The following TNFSF11 variants were observed in gnomAD, a reference collection of about 807,000 sequenced individuals.
TNFSF11 encodes the protein TNF superfamily member 11.
In TNFSF11, 12 loss-of-function variants were observed where a neutral mutation model predicts 32.2. That is an observed-to-expected ratio of 0.37 (90% CI 0.24 to 0.60). The LOEUF is 0.60. Ranked by LOEUF, TNFSF11 falls within the 20% of genes least tolerant of loss-of-function variation. The pLI is 0.66. For synonymous variants in TNFSF11, 172 were observed against 152.1 expected (o/e 1.13, Z -0.96); for missense variants, 345 against 398.0 (o/e 0.87, Z 1.13).
intron 2 of TNFSF11, 80 bp downstream of exon 2, chr13:42,581,373 G>A: frequency 2.1e-6 from 3 of 1,452,854 alleles, no homozygotes; most frequent in Non-Finnish European, 2.9e-6. Flanking sequence ...GCTAAGTGCT[G>A]TTGACTCTGC....
In TNFSF11 at chr13:42,581,300, C is replaced by A; in HGVS notation, c.387+7C>A. The A allele has an allele frequency of 6.2e-7, 1 of 1,613,886 alleles. No homozygotes were observed. The highest frequency in any genetic ancestry group is 1.1e-5 in the South Asian group (1 of 91,030). ...TCAAGGAGCTGTGCAAAAGGTAAGT[C>A]CACATCGAGGCTGATAAGTCAAGGG... On this transcript the variant is annotated splice_region_variant and intron_variant, in intron 2 of 4. Coordinates refer to ENST00000398795, the MANE Select transcript of TNFSF11 (RefSeq NM_003701.4).
intron 1 of TNFSF11, among the ~76,000 whole-genome samples, 195 bp from the exon 2 acceptor site, chr13:42,580,931 G>A (rs1873573195): frequency 6.6e-6 from 1 of 152,188 alleles, no homozygotes; most frequent in African/African-American, 2.4e-5. Context: ...TCCTGTGGAT[G>A]ATAGTCAGTT....
intron 4 of TNFSF11, among the ~76,000 whole-genome samples, chr13:42,605,434 T>C (rs1183831121): frequency 6.6e-6 from 1 of 152,242 alleles, no homozygotes; most frequent in African/African-American, 2.4e-5. Flanking sequence ...AGTTACCAGC[T>C]TTTCCAGTTG....
intron 1 of TNFSF11, among the ~76,000 whole-genome samples, chr13:42,575,121 G>A (rs553364254): frequency 7.2e-5 from 11 of 152,298 alleles, no homozygotes; most frequent in Middle Eastern, 3.4e-3. Context: ...GCGCGGGCTC[G>A]GGATGGGGGC....
At position 42,574,257 on chromosome 13, in the gene TNFSF11, G is replaced by A; in HGVS notation, c.-47G>A. 1 of 1,541,028 alleles carries A rather than the reference G, an allele frequency of 6.5e-7. No homozygotes were observed. The stretch of plus-strand genomic sequence containing the variant: ...GAGTTGGCCGCAGACAAGAAGGGGA[G>A]GGAGCGGGAGAGGGAGGAGAGCTCC... On this transcript the variant is annotated 5_prime_UTR_variant, in exon 1 of 5. Coordinates refer to ENST00000398795, the MANE Select transcript of TNFSF11 (RefSeq NM_003701.4).
chr13:42,599,551 T>C (rs1379822472), intron 2 of TNFSF11, among the ~76,000 whole-genome samples: 2 of 151,834 alleles, frequency 1.3e-5, no homozygotes, highest in African/African-American at 4.8e-5. Flanking sequence ...ATAATAGATA[T>C]CTCTTTTGTT....
In TNFSF11 at chr13:42,606,953, T is replaced by C; in HGVS notation, c.*35T>C. On this transcript the variant is annotated 3_prime_UTR_variant, in exon 5 of 5. Coordinates refer to ENST00000398795, the MANE Select transcript of TNFSF11 (RefSeq NM_003701.4). Reference sequence around the variant, plus strand: ...TTTGGAGTGTTATGTATTTCCTGGATGTTTGGAAACATTTTTTAAAACAAG... The same window carrying C: ...TTTGGAGTGTTATGTATTTCCTGGACGTTTGGAAACATTTTTTAAAACAAG... The C allele has an allele frequency of 6.2e-7, 1 of 1,613,686 alleles. No homozygotes were observed. The highest frequency in any genetic ancestry group is 2.2e-5 in the East Asian group (1 of 44,890).
At chr13:42,570,991 A>G (rs1873044882), upstream of TNFSF11, among the ~76,000 whole-genome samples, 1 of 151,648 alleles carries the variant, frequency 6.6e-6, no homozygotes, top group Non-Finnish European at 1.5e-5. Flanking sequence ...GATTTGTTGA[A>G]TCTTTTTTTT....
chr13:42,606,703 A>T lies in TNFSF11; in HGVS notation c.739A>T (p.Ile247Phe). 1 of 1,614,256 alleles carries T rather than the reference A, an allele frequency of 6.2e-7. No homozygotes were observed. The highest frequency in any genetic ancestry group is 8.5e-7 in the Non-Finnish European group (1 of 1,180,040). The part of the protein sequence containing the change: ...QLMVYVTKTS[I>F]KIPSSHTLMK... Reference sequence around the variant, plus strand: ...AATGGTGTACGTCACTAAAACCAGCATCAAAATCCCAAGTTCTCATACCCT... The same window carrying T: ...AATGGTGTACGTCACTAAAACCAGCTTCAAAATCCCAAGTTCTCATACCCT... The change falls in exon 5 of 5, where the codon ATC becomes TTC. Residue 247 changes from isoleucine (I) to phenylalanine (F), a missense_variant. By Grantham distance (21) the Ile-to-Phe change is conservative. Around this residue, in one of 2 missense-constraint regions of TNFSF11, gnomAD observed 148 missense variants for 216.0 expected, o/e 0.69. Coordinates refer to ENST00000398795, the MANE Select transcript of TNFSF11 (RefSeq NM_003701.4).
At position 42,565,648 on chromosome 13, in the gene TNFSF11, C is replaced by T. The variant is rs1872843083; in HGVS notation, c.-301-973C>T. On this transcript the variant is annotated intron_variant, in intron 1 of 6. Coordinates refer to the TNFSF11 transcript ENST00000358545. Reference sequence around the variant, plus strand: ...TGTTCTAAAACTAGAACTTTAAGTGCAAGGCAGTGATGGATGTTGAGGCTA... The same window carrying T: ...TGTTCTAAAACTAGAACTTTAAGTGTAAGGCAGTGATGGATGTTGAGGCTA... Among the ~76,000 whole-genome samples, 3 of 152,156 alleles carry T rather than the reference C, an allele frequency of 2.0e-5. No homozygotes were observed. The South Asian group carries it at 6.2e-4, about 32-fold the overall frequency.
At chr13:42,573,975 T>G (rs1244373199), upstream of TNFSF11, among the ~76,000 whole-genome samples, 3 of 152,052 alleles carry the variant, frequency 2.0e-5, no homozygotes, top group Non-Finnish European at 4.4e-5. Context: ...GCCTCCTCCT[T>G]GGAGGGCCCC....
chr13:42,588,072 G>A (rs765902574), intron 2 of TNFSF11, among the ~76,000 whole-genome samples: 1 of 152,188 alleles, frequency 6.6e-6, no homozygotes. Context: ...CCCAAGTCAC[G>A]ATGTTAGTCA....
intron 2 of TNFSF11, among the ~76,000 whole-genome samples, chr13:42,586,913 T>A (rs1873926667): frequency 6.6e-6 from 1 of 152,226 alleles, no homozygotes; most frequent in Admixed American, 6.5e-5. Flanking sequence ...AATTCAGAAT[T>A]CACAATATCC....
At chr13:42,573,161 C>CT (rs556679330), upstream of TNFSF11, among the ~76,000 whole-genome samples, 237 of 140,388 alleles carry the variant, frequency 1.7e-3, 1 homozygote, top group East Asian at 4.3e-3. Flanking sequence ...CACAGCCATC[C>CT]TTTTTTTTTT....
chr13:42,597,931 C>A (rs1594476656), intron 2 of TNFSF11, among the ~76,000 whole-genome samples: 1 of 152,268 alleles, frequency 6.6e-6, no homozygotes, highest in East Asian at 1.9e-4. Flanking sequence ...TCACTTCAGC[C>A]TCTACCTCCT....
chr13:42,577,040 A>T (rs1340443082), intron 1 of TNFSF11, among the ~76,000 whole-genome samples: 8 of 152,212 alleles, frequency 5.3e-5, no homozygotes, highest in African/African-American at 1.9e-4. Flanking sequence ...CTTGGTACCA[A>T]ATAAATCAGT....
chr13:42,564,613 A>T (rs1485877549), intron 1 of TNFSF11, among the ~76,000 whole-genome samples: 1 of 151,982 alleles, frequency 6.6e-6, no homozygotes, highest in East Asian at 1.9e-4. Context: ...TATTTGGGTC[A>T]TCTGTTGGTC....
chr13:42,563,388 C>T (rs7324200), intron 1 of TNFSF11, among the ~76,000 whole-genome samples: 123,255 of 152,174 alleles, frequency 0.81, 50,137 homozygotes, highest in South Asian at 0.87. Flanking sequence ...TTAGGCTGGA[C>T]GGGGTGGCTC....
chr13:42,598,906 C>G (rs1217676631), intron 2 of TNFSF11, among the ~76,000 whole-genome samples: 1 of 152,152 alleles, frequency 6.6e-6, no homozygotes, highest in African/African-American at 2.4e-5. Context: ...CCATTGAGAA[C>G]CCGGAGGTCT....
Sources: allele counts gnomAD v4.1 joint callset (sites outside exome capture counted in the v4.1 genomes callset), GRCh38; gene constraint gnomAD v4.1.1; regional missense constraint gnomAD v4.1.1; transcripts MANE v1.5; gene names NCBI Gene and HGNC (gene_info 2026-07-23, HGNC 2026-07-21).